Variants in COL21A1 observed in about 807,000 individuals in gnomAD.
The protein encoded by COL21A1 is collagen alpha-1(XXI) chain.
In COL21A1, 149 loss-of-function variants were observed where a neutral mutation model predicts 137.9. The ratio of observed to expected loss-of-function variants is 1.08; its 90% CI spans 0.95 to 1.24. The LOEUF is 1.24. Among genes scored for constraint, COL21A1 ranks in the 50% most tolerant of loss-of-function variants. The pLI, the probability that COL21A1 is intolerant of heterozygous loss-of-function variation, is 0.00. For missense variants in COL21A1, 1,167 were observed against 1,158.4 expected (o/e 1.01, Z -0.11); for synonymous variants, 456 against 391.5 (o/e 1.16, Z -1.95).
chr6:56,063,576 T>C (rs1317522999), intron 24 of COL21A1, among the ~76,000 whole-genome samples: 1 of 152,108 alleles, frequency 6.6e-6, no homozygotes. Context: ...ATTCCTCCTC[T>C]TGGTTACTTT....
At chr6:56,177,976 TTG>T (rs1273841604) in intron 3 of COL21A1, among the ~76,000 whole-genome samples, 11 of 152,144 alleles carry the variant, frequency 7.2e-5, no homozygotes, top group Non-Finnish European at 1.6e-4. Context: ...TCAATTTTGA[TTG>T]TGTTTATAGA....
Position 56,059,165 on chromosome 6 carries a change from C to T in COL21A1, c.2686G>A (p.Gly896Ser). 2 of 1,611,702 alleles carry T rather than the reference C, an allele frequency of 1.2e-6. No homozygotes were observed. Among genetic ancestry groups the T allele is most frequent in the Non-Finnish European group, 8.5e-7 (1 of 1,178,780 alleles). Residue 896 changes from glycine to serine, a missense_variant and splice_region_variant, in exon 29 of 30, where the codon GGT (glycine) becomes AGT (serine). Transcript: ENST00000244728. Reference protein sequence around the residue: ...PGEQGPPGPPGPEGPPGISKE... With the variant: ...PGEQGPPGPPSPEGPPGISKE... ...CTTATGAGCAGGTAGCAATTCTCAC[C>T]TGGGGGACCAGGAGGACCTTGTTCT... is the stretch of plus-strand genomic sequence containing the variant.
chr6:56,072,588 G>A (rs1766854212), intron 20 of COL21A1, among the ~76,000 whole-genome samples: 1 of 151,356 alleles, frequency 6.6e-6, no homozygotes, highest in African/African-American at 2.4e-5. Context: ...TATGATCCAT[G>A]GGTTAAATCC....
At chr6:56,063,116 G>A (rs933648044) in intron 24 of COL21A1, among the ~76,000 whole-genome samples, 1 of 152,120 alleles carries the variant, frequency 6.6e-6, no homozygotes, top group African/African-American at 2.4e-5. Context: ...TCCTGGTGGT[G>A]AGAAATGTAG....
intron 1 of COL21A1, among the ~76,000 whole-genome samples, chr6:56,280,280 A>T (rs1763760396): frequency 6.6e-6 from 1 of 152,192 alleles, no homozygotes; most frequent in Non-Finnish European, 1.5e-5. Context: ...TAAGTCCTGA[A>T]CTATCAAGAA....
intron 16 of COL21A1, among the ~76,000 whole-genome samples, chr6:56,113,253 C>G (rs1771610282): frequency 6.6e-6 from 1 of 152,168 alleles, no homozygotes; most frequent in African/African-American, 2.4e-5. Context: ...TTCTCCTAAC[C>G]CCAGACTGCA....
At position 56,168,227 on chromosome 6, in the gene COL21A1, T is replaced by G; in HGVS notation, c.1097A>C (p.Asp366Ala). Residue 366 changes from aspartate (D) to alanine (A), a missense_variant, in exon 6 of 30, where the codon GAT (aspartate) becomes GCT (alanine). Coordinates refer to ENST00000244728, the MANE Select transcript of COL21A1 (RefSeq NM_030820.4). The stretch of plus-strand genomic sequence containing the variant: ...GGGCTTGTTTTCAATTTGTTGGTCA[T>G]CAATATACAAAGTCACATCTTGTTC... The part of the protein sequence containing the change: ...VTEQDVTLYI[D>A]DQQIENKPLH... 6.4e-7 allele frequency: 1 copy of G among 1,573,986 alleles called. No individual in the cohort carries two copies. Among genetic ancestry groups the G allele is most frequent in the Non-Finnish European group, 8.6e-7 (1 of 1,157,378 alleles).
At chr6:56,099,437 C>G (rs921185841) in intron 17 of COL21A1, among the ~76,000 whole-genome samples, 3 of 151,592 alleles carry the variant, frequency 2.0e-5, no homozygotes, top group African/African-American at 7.3e-5. Context: ...GGGGTTTCAC[C>G]GTGTTAGCCA....
chr6:56,238,110 C>T (rs988300508), intron 1 of COL21A1, among the ~76,000 whole-genome samples: 3 of 152,064 alleles, frequency 2.0e-5, no homozygotes, highest in Non-Finnish European at 4.4e-5. Context: ...GGGTATGAAA[C>T]AATCAACAAC....
chr6:56,092,368 A>C (rs1389351984), intron 17 of COL21A1, among the ~76,000 whole-genome samples: 1 of 152,168 alleles, frequency 6.6e-6, no homozygotes, highest in African/African-American at 2.4e-5. Context: ...TTACGCATAC[A>C]TATTTATATA....
chr6:56,304,850 G>C lies in COL21A1; in HGVS notation c.-39+89121C>G, dbSNP rs1450626527. ...AGGGTGTCCATTTTAGATCTTTCCT[G>C]CTTTCTCTTGTGGACATTTAGTGCT... On this transcript the variant is annotated intron_variant, in intron 1 of 28. Coordinates refer to the COL21A1 transcript ENST00000370819. 6.6e-5 allele frequency among the ~76,000 whole-genome samples: 10 copies of C among 152,272 alleles called. No individual in the cohort carries two copies. The East Asian group carries it at 1.9e-3, about 29-fold the overall frequency.
chr6:56,285,049 A>G (rs1763873087), intron 1 of COL21A1, among the ~76,000 whole-genome samples: 1 of 152,198 alleles, frequency 6.6e-6, no homozygotes, highest in South Asian at 2.1e-4. Context: ...CACTCTATTG[A>G]TTTTGGTGTT....
intron 15 of COL21A1, 46 bp downstream of exon 15, chr6:56,124,192 AT>A (rs1561890400): frequency 6.4e-7 from 1 of 1,550,566 alleles, no homozygotes; most frequent in Admixed American, 1.9e-5. Context: ...TATAAGATAG[AT>A]TTTATTTAAA....
chr6:56,276,827 G>A (rs1173394402), intron 1 of COL21A1: 11 of 674,970 alleles, frequency 1.6e-5, no homozygotes, highest in Non-Finnish European at 2.7e-5. Context: ...TTTTTTTTTT[G>A]AGACAGAGTC....
At chr6:56,211,251 A>ACATATAT in intron 1 of COL21A1, among the ~76,000 whole-genome samples, 3 of 143,232 alleles carry the variant, frequency 2.1e-5, no homozygotes, top group Non-Finnish European at 3.0e-5. Flanking sequence ...ATGTATATAT[A>ACATATAT]ATGAAAGGAT....
chr6:56,063,301 C>A (rs905151644), intron 24 of COL21A1, among the ~76,000 whole-genome samples: 2 of 152,140 alleles, frequency 1.3e-5, no homozygotes, highest in African/African-American at 2.4e-5. Flanking sequence ...AAATATCCTT[C>A]TTTTCTGAGA....
rs1274134210 is a variant in COL21A1, at chr6:56,260,729, CAGGA to C, written c.-38-78077_-38-78074del. ...GCAGGCAGGCAGGAAGGGAGGCAGG[CAGGA>C]AGGAAGGAAGGAAGGAAGGAATCAA... On this transcript the variant is annotated intron_variant, in intron 1 of 28. Coordinates refer to the COL21A1 transcript ENST00000370819. Among the ~76,000 whole-genome samples the C allele has an allele frequency of 1.9e-4, 28 of 144,422 alleles. No homozygotes were observed. In the South Asian group the frequency reaches 2.0e-3, roughly 10 times the overall value. 94.7% of individuals were successfully genotyped at this position (144,422 alleles called of 152,430 possible).
intron 1 of COL21A1, among the ~76,000 whole-genome samples, chr6:56,194,216 T>C (rs1561970444): frequency 6.6e-6 from 1 of 152,220 alleles, no homozygotes; most frequent in Admixed American, 6.5e-5. Context: ...TGGGCAAAGT[T>C]AATTCCCTGA....
chr6:56,368,492 A>G (rs1179640878), intron 1 of COL21A1, among the ~76,000 whole-genome samples: 1 of 152,226 alleles, frequency 6.6e-6, no homozygotes, highest in Non-Finnish European at 1.5e-5. Flanking sequence ...ATTTGTCTAC[A>G]GTTAGAAGAA....
Sources: allele counts gnomAD v4.1 joint callset (sites outside exome capture counted in the v4.1 genomes callset), GRCh38; gene constraint gnomAD v4.1.1; transcripts MANE v1.5; gene names NCBI Gene and HGNC (gene_info 2026-07-23, HGNC 2026-07-21).